Variants in WNK3 observed in about 807,000 individuals in gnomAD.
WNK3 encodes the protein WNK lysine deficient protein kinase 3.
WNK3 carries 18 observed loss-of-function variants against 116.7 expected under a neutral mutation model. The ratio of observed to expected loss-of-function variants is 0.15; its 90% CI spans 0.11 to 0.23. WNK3 has a LOEUF of 0.23. Among genes scored for constraint, WNK3 ranks in the 10% least tolerant of loss-of-function variants. The pLI, the probability that WNK3 is intolerant of heterozygous loss-of-function variation, is 1.00. For missense variants in WNK3, 993 were observed against 1,323.8 expected, an observed-to-expected ratio of 0.75 and a Z score of 3.88; for synonymous variants, 404 against 469.4, an observed-to-expected ratio of 0.86 and a Z score of 1.80.
intron 2 of WNK3, among the ~76,000 whole-genome samples, chrX:54,318,481 C>T (rs1381125266): frequency 1.9e-4 from 21 of 110,562 alleles, no homozygotes; most frequent in African/African-American, 6.9e-4. Context: ...TCTGTAATCC[C>T]AGTACTTAGG....
chrX:54,333,751 G>A, exon 2 of WNK3: 2 of 791,942 alleles, frequency 2.5e-6, no homozygotes, highest in East Asian at 3.2e-5. Context: ...AGAATTATCA[G>A]AATGGACTTC....
At chrX:54,198,580 G>T (rs151287033) in exon 24 of WNK3, 1 of 1,210,724 alleles carries the variant, frequency 8.3e-7, no homozygotes. Context: ...TGGCAAGGAA[G>T]TTGGGACAGC....
intron 22 of WNK3, among the ~76,000 whole-genome samples, chrX:54,224,305 T>A (rs1359229654): frequency 9.5e-6 from 1 of 104,870 alleles, no homozygotes; most frequent in African/African-American, 3.5e-5. Flanking sequence ...TGAGCTGATA[T>A]CACGTCATTG....
intron 1 of WNK3, among the ~76,000 whole-genome samples, chrX:54,344,458 A>C (rs2069379768): frequency 9.0e-6 from 1 of 111,088 alleles, no homozygotes; most frequent in African/African-American, 3.3e-5. Context: ...AAAAAAAAAG[A>C]AAAAGCAAAT....
chrX:54,355,254 T>C (rs1158708629), intron 1 of WNK3, among the ~76,000 whole-genome samples: 1 of 111,488 alleles, frequency 9.0e-6, no homozygotes, highest in African/African-American at 3.3e-5. Flanking sequence ...AAAACTATAA[T>C]TATTTAAGCA....
chrX:54,316,484 G>C (rs2068957438), intron 2 of WNK3, among the ~76,000 whole-genome samples: 1 of 102,851 alleles, frequency 9.7e-6, no homozygotes, highest in Admixed American at 1.1e-4. Flanking sequence ...AGGTTGCAGT[G>C]AGCTGAGATC....
chrX:54,241,083 C>T lies in WNK3; in HGVS notation c.3652-1984G>A, dbSNP rs370712824. On this transcript the variant is annotated intron_variant, in intron 17 of 23. Transcript: ENST00000354646. ...CCAAGCAAAGGGCAGCAGAGGCATG[C>T]GCCCCCAAATAAGAGCAGTAAGAGG... 1.8e-4 allele frequency among the ~76,000 whole-genome samples: 20 copies of T among 111,530 alleles called. No homozygotes were observed. The South Asian group carries it at 4.2e-3, about 23-fold the overall frequency.
At chrX:54,327,028 C>G (rs2069113925) in intron 2 of WNK3, among the ~76,000 whole-genome samples, 1 of 111,153 alleles carries the variant, frequency 9.0e-6, no homozygotes, top group Non-Finnish European at 1.9e-5. Context: ...TGCATTCCAG[C>G]CTGGGCAACA....
chrX:54,314,849 C>T (rs2147189663), intron 2 of WNK3, among the ~76,000 whole-genome samples: 1 of 111,477 alleles, frequency 9.0e-6, no homozygotes, highest in South Asian at 3.8e-4. Flanking sequence ...TCCAGACACT[C>T]AAGATCAAAC....
exon 14 of WNK3, chrX:54,251,546 A>C (rs2068129593): frequency 5.0e-6 from 6 of 1,208,549 alleles, no homozygotes; most frequent in South Asian, 3.5e-5. Context: ...CTACTGTTGG[A>C]GTCCACAGTA....
intron 2 of WNK3, among the ~76,000 whole-genome samples, chrX:54,315,371 CT>C (rs1442856004): frequency 1.8e-5 from 2 of 110,505 alleles, no homozygotes; most frequent in East Asian, 2.8e-4. Flanking sequence ...GCCCCTCCCC[CT>C]GACACACTTC....
At chrX:54,307,135 G>A (rs1436965277) in intron 5 of WNK3, among the ~76,000 whole-genome samples, 1 of 107,042 alleles carries the variant, frequency 9.3e-6, no homozygotes, top group East Asian at 2.9e-4. Flanking sequence ...GCTGAGGCAG[G>A]AGAATTGCTT....
At chrX:54,289,404 C>T (rs1247259985) in intron 10 of WNK3, among the ~76,000 whole-genome samples, 4 of 110,631 alleles carry the variant, frequency 3.6e-5, no homozygotes, top group Non-Finnish European at 5.7e-5. Context: ...ATGATAATTC[C>T]GCAGGTGGCC....
At chrX:54,306,420 G>A (rs2068825967) in intron 5 of WNK3, among the ~76,000 whole-genome samples, 1 of 111,768 alleles carries the variant, frequency 8.9e-6, no homozygotes, top group African/African-American at 3.3e-5. Context: ...AATGAATAAA[G>A]AAAATGTGGT....
At chrX:54,296,434 C>T (rs1349647971) in intron 7 of WNK3, among the ~76,000 whole-genome samples, 1 of 110,533 alleles carries the variant, frequency 9.0e-6, no homozygotes, top group Non-Finnish European at 1.9e-5. Context: ...GGGGTGGAGA[C>T]ATGGAAAGGA....
At chrX:54,215,806 G>T (rs782390351) in intron 22 of WNK3, among the ~76,000 whole-genome samples, 2 of 111,829 alleles carry the variant, frequency 1.8e-5, no homozygotes, top group East Asian at 5.6e-4. Flanking sequence ...TTGAGAACGG[G>T]CCATGATGAC....
intron 5 of WNK3, among the ~76,000 whole-genome samples, chrX:54,307,211 CTG>C (rs2068836046): frequency 1.0e-5 from 1 of 99,729 alleles, no homozygotes; most frequent in Non-Finnish European, 2.0e-5. Flanking sequence ...TGGCGACAGA[CTG>C]TGTCTCAAAA....
chrX:54,318,156 C>T (rs782415352), intron 2 of WNK3, among the ~76,000 whole-genome samples: 2 of 108,245 alleles, frequency 1.8e-5, no homozygotes, highest in South Asian at 8.4e-4. Flanking sequence ...GCCAGGAGTT[C>T]GAGACCAGCC....
intron 2 of WNK3, among the ~76,000 whole-genome samples, chrX:54,311,795 T>A (rs1348478969): frequency 8.9e-6 from 1 of 111,739 alleles, no homozygotes; most frequent in Non-Finnish European, 1.9e-5. Context: ...GCATTGGACC[T>A]CTAATCTGCT....
Sources: allele counts gnomAD v4.1 joint callset (sites outside exome capture counted in the v4.1 genomes callset), GRCh38; gene constraint gnomAD v4.1.1; transcripts MANE v1.5; gene names NCBI Gene and HGNC (gene_info 2026-07-23, HGNC 2026-07-21).